Variants in SDK1 observed in about 807,000 individuals in gnomAD.
SDK1 encodes protein sidekick-1.
Under a neutral mutation model 245.5 loss-of-function variants are expected in SDK1, and 157 were observed. The observed-to-expected ratio is 0.64, with a 90% CI of 0.56 to 0.73. SDK1 has a LOEUF of 0.73. SDK1 is among the 30% of genes least tolerant of loss of function. The pLI is 0.00. For missense variants in SDK1, 3,583 were observed against 3,002.3 expected (o/e 1.19, Z -4.52); for synonymous variants, 1,647 against 1,278.5 (o/e 1.29, Z -6.15).
intron 1 of SDK1, among the ~76,000 whole-genome samples, chr7:3,337,343 T>A (rs1780228219): frequency 2.0e-5 from 3 of 151,846 alleles, no homozygotes; most frequent in East Asian, 1.9e-4. Context: ...AAAATTAGAA[T>A]CTGCCCAATG....
rs190831681 is a variant in SDK1, at chr7:3,602,858, G to C, written c.299-16222G>C. 2.4e-3 allele frequency among the ~76,000 whole-genome samples: 365 copies of C among 152,220 alleles called. 3 individuals are homozygous for C. Among genetic ancestry groups the C allele is most frequent in the South Asian group, 0.018 (85 of 4,826 alleles). On this transcript the variant is annotated intron_variant, in intron 1 of 44. Transcript: ENST00000404826. ...CATCTTGAATTAATTTTTGTATAAG[G>C]TGTAAGGAAGGGAATCCAGTTTCAG...
intron 1 of SDK1, among the ~76,000 whole-genome samples, chr7:3,600,712 T>C (rs34015199): frequency 0.24 from 35,798 of 151,474 alleles, 4,422 homozygotes; most frequent in South Asian, 0.31. Context: ...CCACGCCCGG[T>C]TAATTTTTTG....
At position 3,471,546 on chromosome 7, in the gene SDK1, G is replaced by A. The variant is rs570377700; in HGVS notation, c.299-147534G>A. 1.6e-4 allele frequency among the ~76,000 whole-genome samples: 25 copies of A among 152,184 alleles called. 1 individual carries two copies. The South Asian group carries it at 5.0e-3, about 30-fold the overall frequency. ...GTTAGCAATATGAGCCGTCAGTTTCGATTCTTCACACCATTTAGACGCAAT... is the reference window on the plus strand; with the variant it reads ...GTTAGCAATATGAGCCGTCAGTTTCAATTCTTCACACCATTTAGACGCAAT... On this transcript the variant is annotated intron_variant, in intron 1 of 44. Transcript: ENST00000404826.
chr7:3,384,679 C>T (rs141884209), intron 1 of SDK1, among the ~76,000 whole-genome samples: 6 of 152,320 alleles, frequency 3.9e-5, no homozygotes, highest in African/African-American at 1.2e-4. Flanking sequence ...CTTGCCACAT[C>T]GCGAATTTCC....
At chr7:3,514,367 T>C (rs1782671872) in intron 1 of SDK1, among the ~76,000 whole-genome samples, 1 of 152,246 alleles carries the variant, frequency 6.6e-6, no homozygotes, top group Non-Finnish European at 1.5e-5. Context: ...CACCCAAATA[T>C]ATCTGTAGAT....
At chr7:4,016,254 TG>T in intron 16 of SDK1, among the ~76,000 whole-genome samples, 1 of 152,318 alleles carries the variant, frequency 6.6e-6, no homozygotes, top group African/African-American at 2.4e-5. Flanking sequence ...GCCACTCAAG[TG>T]TGGGACTGTG....
At chr7:3,543,227 T>G (rs948876524) in intron 1 of SDK1, among the ~76,000 whole-genome samples, 3 of 152,246 alleles carry the variant, frequency 2.0e-5, no homozygotes, top group African/African-American at 7.2e-5. Flanking sequence ...GTAGAGAACT[T>G]GCCATTGAAA....
intron 25 of SDK1, among the ~76,000 whole-genome samples, chr7:4,115,515 C>G (rs1297319565): frequency 1.3e-5 from 2 of 152,208 alleles, no homozygotes; most frequent in Non-Finnish European, 2.9e-5. Flanking sequence ...CTCTGACTCT[C>G]TGCGTTAATG....
At chr7:3,541,507 T>C (rs1444664709) in intron 1 of SDK1, among the ~76,000 whole-genome samples, 2 of 152,238 alleles carry the variant, frequency 1.3e-5, no homozygotes, top group Admixed American at 6.5e-5. Flanking sequence ...GTCCTAGTTA[T>C]GCTTCAGGGA....
At chr7:3,571,335 C>T (rs976588685) in intron 1 of SDK1, among the ~76,000 whole-genome samples, 1 of 151,942 alleles carries the variant, frequency 6.6e-6, no homozygotes, top group Non-Finnish European at 1.5e-5. Flanking sequence ...GGGGATCTTA[C>T]ATTGTCACGC....
chr7:3,419,981 G>T (rs541941959), intron 1 of SDK1, among the ~76,000 whole-genome samples: 1 of 152,274 alleles, frequency 6.6e-6, no homozygotes, highest in South Asian at 2.1e-4. Context: ...AATGAGAAAT[G>T]CACCCAACCT....
chr7:3,513,566 C>G (rs1782646922), intron 1 of SDK1, among the ~76,000 whole-genome samples: 1 of 152,098 alleles, frequency 6.6e-6, no homozygotes, highest in African/African-American at 2.4e-5. Context: ...AAGAAAATAT[C>G]CATATTTAAA....
rs1046980652 is a variant in SDK1 at position 3,917,216 on chromosome 7, G to A, written c.848-33707G>A. ...AAAAATCAATCACTTGAAAGCATAC[G>A]TCTCTGATTTCTATCCCTTGTCTTA... On this transcript the variant is annotated intron_variant, in intron 5 of 44. Transcript: ENST00000404826. Among the ~76,000 whole-genome samples, 7 of 152,218 alleles carry A rather than the reference G, an allele frequency of 4.6e-5. No individual in the cohort carries two copies. The South Asian group carries it at 6.2e-4, about 14-fold the overall frequency.
intron 35 of SDK1, among the ~76,000 whole-genome samples, chr7:4,189,789 C>G (rs937531021): frequency 1.3e-4 from 20 of 152,298 alleles, no homozygotes; most frequent in African/African-American, 4.8e-4. Context: ...GACTCCGTCT[C>G]AAAAAATAAA....
At chr7:4,264,765 C>T (rs992687928) in intron 44 of SDK1, among the ~76,000 whole-genome samples, 8 of 151,784 alleles carry the variant, frequency 5.3e-5, no homozygotes, top group African/African-American at 1.9e-4. Context: ...TGAGGGAGGC[C>T]GTGTAGACCT....
intron 42 of SDK1, among the ~76,000 whole-genome samples, chr7:4,240,966 G>A (rs1490116258): frequency 2.6e-5 from 4 of 152,304 alleles, no homozygotes; most frequent in South Asian, 4.1e-4. Flanking sequence ...AAGCTTGGGG[G>A]CAGTTTGGAG....
At chr7:3,302,644 G>A (rs7811244) in intron 1 of SDK1, among the ~76,000 whole-genome samples, 69,571 of 143,400 alleles carry the variant, frequency 0.49, 16,330 homozygotes, top group South Asian at 0.56. Flanking sequence ...AACCCGTAAC[G>A]TACCCCTGCC....
chr7:3,611,091 G>A (rs1781574565), intron 1 of SDK1, among the ~76,000 whole-genome samples: 1 of 152,134 alleles, frequency 6.6e-6, no homozygotes, highest in Admixed American at 6.5e-5. Context: ...ATTTTACAAG[G>A]CAGTAGTAGA....
chr7:3,875,621 G>A (rs894857947), intron 5 of SDK1, among the ~76,000 whole-genome samples: 1 of 152,128 alleles, frequency 6.6e-6, no homozygotes, highest in African/African-American at 2.4e-5. Context: ...TGGGTTCCAC[G>A]GAACCCTCCC....
Sources: gnomAD v4.1 joint callset for allele counts (sites outside exome capture counted in the v4.1 genomes callset) on GRCh38, gnomAD v4.1.1 for gene constraint, MANE v1.5 for transcripts, NCBI Gene and HGNC (gene_info 2026-07-23, HGNC 2026-07-21) for gene names.